SPAG16: variants seen among roughly 807,000 people sequenced by gnomAD.
SPAG16 encodes the protein sperm associated antigen 16, also known as sperm-associated antigen 16 protein.
SPAG16 carries 86 observed loss-of-function variants against 80.4 expected under a neutral mutation model. The ratio of observed to expected loss-of-function variants is 1.07; its 90% CI spans 0.90 to 1.28. SPAG16 has a LOEUF of 1.28. Ranked by LOEUF, SPAG16 falls within the 50% of genes most tolerant of loss-of-function variation. SPAG16 has a pLI of 0.00. For missense variants in SPAG16, 870 were observed against 765.3 expected, an observed-to-expected ratio of 1.14 and a Z score of -1.61; for synonymous variants, 294 against 265.9, an observed-to-expected ratio of 1.11 and a Z score of -1.03.
intron 15 of SPAG16, among the ~76,000 whole-genome samples, chr2:214,273,786 T>C (rs1200962796): frequency 6.6e-6 from 1 of 152,240 alleles, no homozygotes; most frequent in Non-Finnish European, 1.5e-5. Flanking sequence ...CAGACACTTT[T>C]TTGTTTCCAT....
At chr2:213,679,815 G>C (rs1279108861) in intron 10 of SPAG16, among the ~76,000 whole-genome samples, 2 of 152,098 alleles carry the variant, frequency 1.3e-5, no homozygotes, top group African/African-American at 2.4e-5. Flanking sequence ...CAAACGAAGG[G>C]TAAAGTACAT....
At chr2:213,673,285 A>G (rs935614549) in intron 10 of SPAG16, among the ~76,000 whole-genome samples, 1 of 152,184 alleles carries the variant, frequency 6.6e-6, no homozygotes, top group African/African-American at 2.4e-5. Context: ...TAAAACATCT[A>G]AAAAATGGTT....
chr2:214,332,666 A>ATT (rs1553558874), intron 15 of SPAG16, among the ~76,000 whole-genome samples: 1 of 152,156 alleles, frequency 6.6e-6, no homozygotes, highest in Non-Finnish European at 1.5e-5. Context: ...TATCTGTCTC[A>ATT]TTTTTGAAGT....
chr2:213,704,886 G>A (rs77399220), intron 10 of SPAG16, among the ~76,000 whole-genome samples: 5,626 of 152,222 alleles, frequency 0.037, 346 homozygotes, highest in African/African-American at 0.13. Context: ...TGGGGTAAGG[G>A]AATGGTAGAA....
intron 13 of SPAG16, among the ~76,000 whole-genome samples, chr2:214,022,767 G>T (rs538857862): frequency 6.6e-6 from 1 of 152,058 alleles, no homozygotes; most frequent in South Asian, 2.1e-4. Context: ...AAGAACTTGT[G>T]TCATGTTCTT....
intron 10 of SPAG16, among the ~76,000 whole-genome samples, chr2:213,773,742 T>TA (rs1361086722): frequency 7.9e-5 from 12 of 151,940 alleles, no homozygotes; most frequent in African/African-American, 1.2e-4. Flanking sequence ...TTAGTAGAGA[T>TA]AGAGTTTCAC....
At chr2:213,797,056 A>G (rs2071086894) in intron 10 of SPAG16, among the ~76,000 whole-genome samples, 1 of 152,076 alleles carries the variant, frequency 6.6e-6, no homozygotes, top group Non-Finnish European at 1.5e-5. Flanking sequence ...AAAATTAAAA[A>G]AAAAAACATT....
chr2:213,781,019 C>A (rs1023806722), intron 10 of SPAG16, among the ~76,000 whole-genome samples: 2 of 152,112 alleles, frequency 1.3e-5, no homozygotes, highest in African/African-American at 2.4e-5. Context: ...TCAGAAAAAG[C>A]CCTGAAAAAT....
intron 10 of SPAG16, among the ~76,000 whole-genome samples, chr2:213,753,799 G>C (rs1401946694): frequency 6.6e-6 from 1 of 152,206 alleles, no homozygotes; most frequent in Non-Finnish European, 1.5e-5. Context: ...TGGCATGAAT[G>C]ACTTAGACCT....
At chr2:214,306,674 A>C (rs1694936180) in intron 15 of SPAG16, among the ~76,000 whole-genome samples, 1 of 151,978 alleles carries the variant, frequency 6.6e-6, no homozygotes, top group South Asian at 2.1e-4. Flanking sequence ...GATAAATCAC[A>C]GTTTCTTAAT....
intron 14 of SPAG16, among the ~76,000 whole-genome samples, chr2:214,125,924 G>A (rs1393056245): frequency 6.6e-6 from 1 of 151,500 alleles, no homozygotes; most frequent in African/African-American, 2.4e-5. Context: ...ATGTGATTGG[G>A]CAAAAGAATA....
At chr2:214,297,603 C>T (rs2125943312) in intron 15 of SPAG16, among the ~76,000 whole-genome samples, 1 of 151,990 alleles carries the variant, frequency 6.6e-6, no homozygotes. Flanking sequence ...CTTTCTTTCC[C>T]CATTGTTTAT....
At chr2:214,092,367 G>T (rs1224290096) in intron 13 of SPAG16, among the ~76,000 whole-genome samples, 1 of 151,984 alleles carries the variant, frequency 6.6e-6, no homozygotes, top group Non-Finnish European at 1.5e-5. Flanking sequence ...CAGGTGAATT[G>T]GTAGTTGTCA....
At chr2:213,431,867 C>T (rs528958423) in intron 9 of SPAG16, among the ~76,000 whole-genome samples, 1 of 151,692 alleles carries the variant, frequency 6.6e-6, no homozygotes, top group Non-Finnish European at 1.5e-5. Context: ...CAAGTCTCAA[C>T]AAATTAAAAA....
At chr2:213,623,613 C>T (rs1024686358) in intron 10 of SPAG16, among the ~76,000 whole-genome samples, 1 of 151,944 alleles carries the variant, frequency 6.6e-6, no homozygotes, top group Non-Finnish European at 1.5e-5. Flanking sequence ...ATTTGAAATA[C>T]CTTGATAAAT....
chr2:213,431,336 TA>T (rs1369290182), intron 9 of SPAG16, among the ~76,000 whole-genome samples: 3 of 151,904 alleles, frequency 2.0e-5, no homozygotes, highest in East Asian at 1.9e-4. Flanking sequence ...ATTCTCCACT[TA>T]AAAGATATAG....
At chr2:213,380,445 G>A (rs2067112621) in intron 9 of SPAG16, among the ~76,000 whole-genome samples, 1 of 152,208 alleles carries the variant, frequency 6.6e-6, no homozygotes, top group Non-Finnish European at 1.5e-5. Context: ...TGGAGACCAT[G>A]GACATTTGAG....
At chr2:213,996,898 C>G (rs990032238) in intron 12 of SPAG16, among the ~76,000 whole-genome samples, 2 of 152,002 alleles carry the variant, frequency 1.3e-5, no homozygotes, top group African/African-American at 4.8e-5. Context: ...AACTAATTGC[C>G]CTTTCTAGGT....
chr2:213,886,597 G>A (rs2556313), intron 11 of SPAG16, among the ~76,000 whole-genome samples: 141,251 of 152,070 alleles, frequency 0.93, 66,523 homozygotes, highest in East Asian at 1. Context: ...ATGCAGTGAC[G>A]AAAGGATTGG....
Sources: gnomAD v4.1 joint callset for allele counts (sites outside exome capture counted in the v4.1 genomes callset) on GRCh38, gnomAD v4.1.1 for gene constraint, MANE v1.5 for transcripts, NCBI Gene and HGNC (gene_info 2026-07-23, HGNC 2026-07-21) for gene names.